Variants in SEMA6D observed in about 807,000 individuals in gnomAD.
SEMA6D encodes semaphorin-6D.
Under a neutral mutation model 106.6 loss-of-function variants are expected in SEMA6D, and 35 were observed. The observed-to-expected ratio is 0.33, with a 90% CI of 0.25 to 0.44. SEMA6D has a LOEUF of 0.44. Among genes scored for constraint, SEMA6D ranks in the 20% least tolerant of loss-of-function variants. SEMA6D has a pLI of 1.00. For synonymous variants in SEMA6D, 499 were observed against 487.7 expected, an observed-to-expected ratio of 1.02 and a Z score of -0.31; for missense variants, 1,185 against 1,345.9, an observed-to-expected ratio of 0.88 and a Z score of 1.87.
chr15:47,766,749 A>T, intron 16 of SEMA6D, 72 bp downstream of exon 16: 1 of 1,074,524 alleles, frequency 9.3e-7, no homozygotes, highest in Middle Eastern at 2.0e-4. Flanking sequence ...TTATTTTACA[A>T]TCAGTCTTTT....
chr15:47,210,296 A>C (rs1457414829), intron 1 of SEMA6D, among the ~76,000 whole-genome samples: 1 of 152,158 alleles, frequency 6.6e-6, no homozygotes, highest in Non-Finnish European at 1.5e-5. Flanking sequence ...GGAACACACA[A>C]AAGAAGGTGG....
At chr15:47,432,495 TATAC>T (rs1358383914) in intron 2 of SEMA6D, among the ~76,000 whole-genome samples, 6 of 108,510 alleles carry the variant, frequency 5.5e-5, no homozygotes, top group East Asian at 5.9e-4. Context: ...TATATATATA[TATAC>T]ACACACACAA....
chr15:47,236,962 A>G (rs1043138089), intron 1 of SEMA6D, among the ~76,000 whole-genome samples: 14 of 152,268 alleles, frequency 9.2e-5, no homozygotes, highest in African/African-American at 2.9e-4. Flanking sequence ...GCAAGAGACA[A>G]TGACATTACA....
chr15:47,771,382 G>C lies in SEMA6D; in HGVS notation c.2819G>C (p.Ser940Thr), dbSNP rs755687490. Residue 940 changes from serine (S) to threonine (T), a missense_variant, in exon 19 of 19, where the codon AGC (serine) becomes ACC (threonine). This residue lies in a region of SEMA6D where 750 missense variants were observed against 783.5 expected (regional missense o/e 0.96). Transcript: ENST00000536845. ...CCTCCTTCAACTCTCCCCAGAAATA[G>C]CCCAACCAAGCGAGTGGATGTCCCC... ...YSPPSTLPRN[S>T]PTKRVDVPTT... 9 of 1,613,826 alleles carry C rather than the reference G, an allele frequency of 5.6e-6. No homozygotes were observed. In the Admixed American group the frequency reaches 1.0e-4, roughly 18 times the overall value.
intron 1 of SEMA6D, among the ~76,000 whole-genome samples, chr15:47,409,068 A>G (rs538122104): frequency 1.1e-3 from 169 of 152,370 alleles, no homozygotes; most frequent in Non-Finnish European, 2.1e-3. Flanking sequence ...ATCCAGGACA[A>G]GAGAACCTAG....
chr15:47,198,449 G>C (rs562905881), intron 1 of SEMA6D, among the ~76,000 whole-genome samples: 32 of 152,098 alleles, frequency 2.1e-4, no homozygotes, highest in Non-Finnish European at 3.8e-4. Context: ...AATTTTATCT[G>C]TCAATTAAAA....
intron 1 of SEMA6D, among the ~76,000 whole-genome samples, chr15:47,341,063 G>A (rs2037792910): frequency 6.6e-6 from 1 of 152,142 alleles, no homozygotes; most frequent in Non-Finnish European, 1.5e-5. Context: ...TCAGTCAGTG[G>A]ATTCAGGTTA....
At chr15:47,490,829 A>G (rs754813469) in intron 3 of SEMA6D, among the ~76,000 whole-genome samples, 3 of 152,240 alleles carry the variant, frequency 2.0e-5, no homozygotes, top group Non-Finnish European at 4.4e-5. Context: ...AACAGTACAT[A>G]TATTTGATTG....
Position 47,319,595 on chromosome 15 carries a change from G to A in SEMA6D, c.-238-92798G>A, listed in dbSNP as rs114468333. The stretch of plus-strand genomic sequence containing the variant: ...TGGGGTGGAATAGCCAGAGTGTGCC[G>A]GTGTTGGATATTTCCCTCCCCCCAT... On this transcript the variant is annotated intron_variant, in intron 1 of 19. Coordinates refer to the SEMA6D transcript ENST00000558014. 8.9e-3 allele frequency among the ~76,000 whole-genome samples: 1,354 copies of A among 152,066 alleles called. 24 individuals carry two copies. The highest frequency in any genetic ancestry group is 0.031 in the African/African-American group (1,283 of 41,482).
chr15:47,592,583 T>C (rs1279422192), intron 3 of SEMA6D, among the ~76,000 whole-genome samples: 2 of 152,314 alleles, frequency 1.3e-5, no homozygotes, highest in East Asian at 3.9e-4. Context: ...AACTGTATGG[T>C]AATTGCAAGC....
At chr15:47,593,770 T>C (rs993074423) in intron 3 of SEMA6D, among the ~76,000 whole-genome samples, 3 of 152,152 alleles carry the variant, frequency 2.0e-5, no homozygotes, top group African/African-American at 7.2e-5. Flanking sequence ...AGGAAACTTA[T>C]AATCATGGCG....
chr15:47,421,672 G>C (rs934422386), intron 2 of SEMA6D, among the ~76,000 whole-genome samples: 9 of 151,954 alleles, frequency 5.9e-5, no homozygotes, highest in African/African-American at 2.2e-4. Flanking sequence ...GTTGGGATGG[G>C]GAGGTATTAG....
intron 1 of SEMA6D, among the ~76,000 whole-genome samples, chr15:47,348,861 C>T (rs1012520141): frequency 4.6e-5 from 7 of 151,706 alleles, no homozygotes; most frequent in Non-Finnish European, 8.8e-5. Flanking sequence ...TAGGTAGCAT[C>T]CTGATGAGAG....
chr15:47,383,263 G>A (rs537960292), intron 1 of SEMA6D, among the ~76,000 whole-genome samples: 18 of 152,298 alleles, frequency 1.2e-4, no homozygotes, highest in Non-Finnish European at 1.2e-4. Flanking sequence ...GCCTCAGCTC[G>A]TCTGGGAAGA....
intron 3 of SEMA6D, chr15:47,600,839 A>G (rs1054764907): frequency 2.0e-5 from 3 of 152,148 alleles, no homozygotes; most frequent in African/African-American, 7.2e-5. Flanking sequence ...AAATCAATCC[A>G]TTTCTCTTTT....
intron 1 of SEMA6D, among the ~76,000 whole-genome samples, chr15:47,198,274 C>T (rs1029216019): frequency 1.3e-5 from 2 of 151,888 alleles, no homozygotes; most frequent in Non-Finnish European, 2.9e-5. Flanking sequence ...CAAATGGTGA[C>T]GATAGTTAAT....
intron 3 of SEMA6D, among the ~76,000 whole-genome samples, chr15:47,551,821 A>C (rs950274708): frequency 6.6e-6 from 1 of 152,264 alleles, no homozygotes; most frequent in African/African-American, 2.4e-5. Context: ...AATTATGTAT[A>C]ATTTCACTGA....
chr15:47,628,008 G>C (rs1300447124), intron 4 of SEMA6D, among the ~76,000 whole-genome samples: 3 of 151,946 alleles, frequency 2.0e-5, no homozygotes, highest in Admixed American at 6.6e-5. Context: ...ATCATTGCAT[G>C]TATCAATAAT....
At chr15:47,569,335 G>A (rs1036482745) in intron 3 of SEMA6D, among the ~76,000 whole-genome samples, 8 of 152,054 alleles carry the variant, frequency 5.3e-5, no homozygotes, top group Non-Finnish European at 1.2e-4. Flanking sequence ...CTGTCCTCTA[G>A]AATCATGCAA....
Sources: allele counts gnomAD v4.1 joint callset (sites outside exome capture counted in the v4.1 genomes callset), GRCh38; gene constraint gnomAD v4.1.1; regional missense constraint gnomAD v4.1.1; transcripts MANE v1.5; gene names NCBI Gene and HGNC (gene_info 2026-07-23, HGNC 2026-07-21).